ERMP1: variants seen among roughly 807,000 people sequenced by gnomAD.
ERMP1 encodes endoplasmic reticulum metallopeptidase 1, also known as Felix-ina.
A neutral mutation model predicts 92.0 loss-of-function variants in ERMP1; 86 were observed. That is an observed-to-expected ratio of 0.93 (90% CI 0.79 to 1.12). The LOEUF is 1.12. ERMP1 is among the 50% of genes most tolerant of loss of function. The probability of loss-of-function intolerance (pLI) is 0.00; values close to 1 mark genes in which losing one functional copy is unlikely to be tolerated. For missense variants in ERMP1, 1,342 were observed against 1,116.3 expected (o/e 1.20, Z -2.88); for synonymous variants, 530 against 412.8 (o/e 1.28, Z -3.44).
chr9:5,810,330 C>T, intron 7 of ERMP1, 99 bp from the exon 8 acceptor site: 1 of 778,710 alleles, frequency 1.3e-6, no homozygotes, highest in Non-Finnish European at 2.1e-6. Context: ...AAACAAAAAA[C>T]TCCCCACTGT....
At position 5,832,804 on chromosome 9, in the gene ERMP1, A is replaced by C; in HGVS notation, c.224T>G (p.Leu75Arg). 6.7e-7 allele frequency: 1 copy of C among 1,502,050 alleles called. No homozygotes were observed. Among genetic ancestry groups the C allele is most frequent in the Non-Finnish European group, 8.8e-7 (1 of 1,133,716 alleles). 93.0% of individuals were successfully genotyped at this position (1,502,050 alleles called of 1,614,324 possible). ...CGCGATCAGGTAGAGCGCGAGCCCC[A>C]GCGCGGCGCGCACCTCAGACAGCCC... is the stretch of plus-strand genomic sequence containing the variant. The part of the protein sequence containing the change: ...GTGLSEVRAA[L>R]GLALYLIALR... Residue 75 changes from leucine (L) to arginine (R), a missense_variant, in exon 1 of 15, where the codon CTG (leucine) becomes CGG (arginine). By Grantham distance (102) the Leu-to-Arg change is moderately radical. Coordinates refer to ENST00000339450, the MANE Select transcript of ERMP1 (RefSeq NM_024896.3).
chr9:5,860,996 T>G (rs1438019029), intron 5 of ERMP1, among the ~76,000 whole-genome samples: 1 of 152,162 alleles, frequency 6.6e-6, no homozygotes, highest in African/African-American at 2.4e-5. Context: ...ATATTGGAGT[T>G]CCAGCCTCCA....
At position 5,787,054 on chromosome 9, in the gene ERMP1, G is replaced by T; in HGVS notation, c.*90C>A. 2 of 1,275,570 alleles carry T rather than the reference G, an allele frequency of 1.6e-6. No homozygotes were observed. The highest frequency in any genetic ancestry group is 1.5e-5 in the African/African-American group (1 of 67,060). The allele number at this position is 1,275,570 out of a possible 1,614,324, so 79.0% of individuals were successfully genotyped here. On this transcript the variant is annotated 3_prime_UTR_variant, in exon 15 of 15. Coordinates refer to ENST00000339450, the MANE Select transcript of ERMP1 (RefSeq NM_024896.3). ...GAACATATGATCATTAAAATTCATTGACTTACGTTACAAACATCCACGTAA... is the reference window on the plus strand; with the variant it reads ...GAACATATGATCATTAAAATTCATTTACTTACGTTACAAACATCCACGTAA...
intron 4 of ERMP1, 34 bp from the exon 5 acceptor site, chr9:5,813,069 T>A (rs572368673): frequency 1.3e-6 from 2 of 1,588,850 alleles, no homozygotes; most frequent in Non-Finnish European, 1.7e-6. Flanking sequence ...ATAGAAGGTA[T>A]TCCGGCAATT....
At chr9:5,790,735 T>C (rs1828155315) in intron 13 of ERMP1, among the ~76,000 whole-genome samples, 1 of 152,210 alleles carries the variant, frequency 6.6e-6, no homozygotes, top group Admixed American at 6.5e-5. Context: ...TGAATATCTA[T>C]GCATCAGATA....
chr9:5,846,587 G>A (rs966739835), intron 6 of ERMP1, among the ~76,000 whole-genome samples: 1 of 152,218 alleles, frequency 6.6e-6, no homozygotes, highest in African/African-American at 2.4e-5. Flanking sequence ...ACTCATGTAT[G>A]TGTGATTATC....
intron 4 of ERMP1, among the ~76,000 whole-genome samples, chr9:5,815,539 C>T (rs1829271306): frequency 2.0e-5 from 3 of 148,068 alleles, no homozygotes; most frequent in Admixed American, 1.3e-4. Flanking sequence ...TTCCTTCTTG[C>T]AGAATTCCAA....
Position 5,818,686 on chromosome 9 carries a change from C to G in ERMP1, c.874+5210G>C, listed in dbSNP as rs1184879375. On this transcript the variant is annotated intron_variant, in intron 4 of 14. Coordinates refer to ENST00000339450, the MANE Select transcript of ERMP1 (RefSeq NM_024896.3). ...CATGACTGCTCCACCACATTCCAGC[C>G]TGGGCAACAAAGCAAGATCCTATCT... Among the ~76,000 whole-genome samples the G allele has an allele frequency of 4.0e-5, 6 of 151,446 alleles. No homozygotes were observed. The East Asian group carries it at 1.2e-3, about 29-fold the overall frequency.
chr9:5,814,298 C>T (rs890333964), intron 4 of ERMP1, among the ~76,000 whole-genome samples: 2 of 152,164 alleles, frequency 1.3e-5, no homozygotes, highest in Non-Finnish European at 2.9e-5. Context: ...TAAGCCTTTG[C>T]TGTTGTAAAC....
rs369142898 is a variant in ERMP1, at chr9:5,804,979, T to C, written c.1914+48A>G. 6.4e-6 allele frequency: 9 copies of C among 1,414,422 alleles called. No homozygotes were observed. The African/African-American group carries it at 1.2e-4, about 19-fold the overall frequency. 87.6% of individuals were successfully genotyped at this position (1,414,422 alleles called of 1,614,324 possible). ...ACAGAATCTAGTATGGCTAAATTCA[T>C]ATTCATATAAAAAATGAAGAAAAAG... On this transcript the variant is annotated intron_variant, in intron 10 of 14. Transcript: ENST00000339450.
intron 13 of ERMP1, among the ~76,000 whole-genome samples, chr9:5,789,824 C>T (rs1828099532): frequency 6.7e-6 from 1 of 149,922 alleles, no homozygotes; most frequent in Admixed American, 6.7e-5. Context: ...GCTGGGACTA[C>T]AGATGCATGC....
At chr9:5,793,272 T>G (rs1336399189) in intron 13 of ERMP1, among the ~76,000 whole-genome samples, 1 of 147,938 alleles carries the variant, frequency 6.8e-6, no homozygotes, top group South Asian at 2.1e-4. Context: ...TAAAAAAGGT[T>G]AAAAAAAAAA....
intron 11 of ERMP1, 121 bp downstream of exon 11, chr9:5,801,055 G>T (rs1425481394): frequency 1.0e-6 from 1 of 955,092 alleles, no homozygotes; most frequent in Non-Finnish European, 1.5e-6. Flanking sequence ...CACAAAAAAG[G>T]TGAGTATGAC....
intron 11 of ERMP1, 104 bp downstream of exon 11, chr9:5,801,072 G>C (rs1828651655): frequency 1.6e-6 from 2 of 1,226,876 alleles, no homozygotes; most frequent in African/African-American, 3.1e-5. Flanking sequence ...TGACTAAATA[G>C]GTCAACAGCA....
intron 8 of ERMP1, among the ~76,000 whole-genome samples, chr9:5,808,911 G>T (rs1473120668): frequency 6.6e-6 from 1 of 151,930 alleles, no homozygotes; most frequent in Non-Finnish European, 1.5e-5. Flanking sequence ...CTAATTTTTT[G>T]TATTTTTTGT....
chr9:5,800,687 A>C (rs1828636322), intron 11 of ERMP1, among the ~76,000 whole-genome samples: 1 of 152,196 alleles, frequency 6.6e-6, no homozygotes, highest in African/African-American at 2.4e-5. Flanking sequence ...AAAAAAGAGA[A>C]AAGAAAGTAA....
At chr9:5,788,746 A>G (rs1828044125) in intron 13 of ERMP1, among the ~76,000 whole-genome samples, 1 of 152,216 alleles carries the variant, frequency 6.6e-6, no homozygotes, top group Non-Finnish European at 1.5e-5. Context: ...TGTTATAATC[A>G]CACTCCAACT....
chr9:5,808,667 A>G (rs1828962355), intron 8 of ERMP1, among the ~76,000 whole-genome samples: 2 of 152,234 alleles, frequency 1.3e-5, no homozygotes, highest in Non-Finnish European at 1.5e-5. Context: ...TAATTCACAT[A>G]AACAATCTGA....
intron 3 of ERMP1, among the ~76,000 whole-genome samples, chr9:5,824,621 T>C (rs1208164409): frequency 1.3e-5 from 2 of 151,930 alleles, no homozygotes; most frequent in African/African-American, 4.8e-5. Context: ...CAGGCTGGTC[T>C]CAAACTCCTG....
Sources: allele counts gnomAD v4.1 joint callset (sites outside exome capture counted in the v4.1 genomes callset), GRCh38; gene constraint gnomAD v4.1.1; transcripts MANE v1.5; gene names NCBI Gene and HGNC (gene_info 2026-07-23, HGNC 2026-07-21).